ST6GAL2: variants seen among roughly 807,000 people sequenced by gnomAD.
ST6GAL2 encodes ST6 beta-galactoside alpha-2,6-sialyltransferase 2.
In ST6GAL2, 24 loss-of-function variants were observed where a neutral mutation model predicts 37.5. The ratio of observed to expected loss-of-function variants is 0.64; its 90% CI spans 0.46 to 0.90. The LOEUF is 0.90. Ranked by LOEUF, ST6GAL2 falls within the 40% of genes least tolerant of loss-of-function variation. The pLI is 0.00. For synonymous variants in ST6GAL2, 306 were observed against 295.1 expected (o/e 1.04, Z -0.38); for missense variants, 715 against 712.7 (o/e 1.00, Z -0.04).
chr2:106,830,040 A>G (rs1225103968), intron 5 of ST6GAL2, 26 bp downstream of exon 5: 1 of 1,608,300 alleles, frequency 6.2e-7, no homozygotes, highest in South Asian at 1.1e-5. Context: ...CCCCCCAATC[A>G]TTCCAATTTT....
At chr2:106,873,461 G>A (rs965832894) in intron 1 of ST6GAL2, among the ~76,000 whole-genome samples, 5 of 152,120 alleles carry the variant, frequency 3.3e-5, no homozygotes, top group African/African-American at 9.7e-5. Flanking sequence ...GTTCTGGAAC[G>A]GCCTTATTAT....
chr2:106,877,164 A>G (rs1678539399), intron 1 of ST6GAL2, among the ~76,000 whole-genome samples: 2 of 152,156 alleles, frequency 1.3e-5, no homozygotes, highest in South Asian at 2.1e-4. Flanking sequence ...CCACCTTCAG[A>G]AAGTTTAGGA....
At chr2:106,877,519 C>T (rs1346234933) in intron 1 of ST6GAL2, among the ~76,000 whole-genome samples, 1 of 152,214 alleles carries the variant, frequency 6.6e-6, no homozygotes, top group Non-Finnish European at 1.5e-5. Context: ...ATTCTACCAT[C>T]ATAAACAATG....
chr2:106,855,460 G>T (rs17033380), intron 1 of ST6GAL2, among the ~76,000 whole-genome samples: 8,059 of 152,204 alleles, frequency 0.053, 678 homozygotes, highest in African/African-American at 0.18. Context: ...CAAACATACA[G>T]AACTAGGCCA....
At chr2:106,880,704 T>G (rs1252609207) in intron 1 of ST6GAL2, among the ~76,000 whole-genome samples, 1 of 152,212 alleles carries the variant, frequency 6.6e-6, no homozygotes, top group Non-Finnish European at 1.5e-5. Flanking sequence ...AGATAAAATT[T>G]TCCCAGAGAT....
intron 5 of ST6GAL2, among the ~76,000 whole-genome samples, chr2:106,807,903 C>G (rs1402194098): frequency 6.6e-6 from 1 of 152,154 alleles, no homozygotes; most frequent in African/African-American, 2.4e-5. Flanking sequence ...GGATTACAGG[C>G]ATGAGCCACC....
chr2:106,839,705 CAG>C (rs975841362), intron 2 of ST6GAL2, among the ~76,000 whole-genome samples: 2 of 152,166 alleles, frequency 1.3e-5, no homozygotes, highest in African/African-American at 4.8e-5. Flanking sequence ...TTCAGGTACA[CAG>C]ATCTTGGTTT....
At chr2:106,870,117 G>T (rs1678203283) in intron 1 of ST6GAL2, among the ~76,000 whole-genome samples, 2 of 152,102 alleles carry the variant, frequency 1.3e-5, no homozygotes, top group African/African-American at 4.8e-5. Flanking sequence ...GGGCGCTACA[G>T]TCTGCTGCTT....
At chr2:106,868,355 C>G (rs902086515) in intron 1 of ST6GAL2, among the ~76,000 whole-genome samples, 12 of 152,182 alleles carry the variant, frequency 7.9e-5, no homozygotes, top group Admixed American at 3.3e-4. Flanking sequence ...AATCTGTGGA[C>G]TCCAAAGCCC....
intron 1 of ST6GAL2, among the ~76,000 whole-genome samples, chr2:106,877,114 G>A (rs529169785): frequency 1.1e-4 from 16 of 152,298 alleles, no homozygotes; most frequent in Admixed American, 4.6e-4. Flanking sequence ...AGACTATGAG[G>A]GGAATGCATC....
In ST6GAL2 at chr2:106,806,507, G is replaced by T; in HGVS notation, c.*171C>A. The T allele has an allele frequency of 1.4e-6, 1 of 733,744 alleles. No individual in the cohort carries two copies. 45.5% of individuals were successfully genotyped at this position (733,744 alleles called of 1,614,324 possible). A position where few individuals can be genotyped will look rare whatever the true frequency, so the allele number is the denominator to read the frequency against. On this transcript the variant is annotated 3_prime_UTR_variant, in exon 6 of 6. Transcript: ENST00000409382. The stretch of plus-strand genomic sequence containing the variant: ...TAAAAAAACCATTTCTATGTTCAAA[G>T]CAGTAATACATACTCAATGGCTTAG...
intron 1 of ST6GAL2, among the ~76,000 whole-genome samples, chr2:106,846,966 T>A (rs1375002): frequency 6.6e-6 from 1 of 151,920 alleles, no homozygotes; most frequent in Non-Finnish European, 1.5e-5. Context: ...ACCACAGAGC[T>A]AGCAAGCAGC....
intron 1 of ST6GAL2, among the ~76,000 whole-genome samples, chr2:106,857,139 A>T (rs1677605413): frequency 6.6e-6 from 1 of 152,140 alleles, no homozygotes; most frequent in Non-Finnish European, 1.5e-5. Context: ...ATTTTTGAGG[A>T]TGGAATTTTA....
intron 1 of ST6GAL2, among the ~76,000 whole-genome samples, chr2:106,861,808 T>C (rs1677810954): frequency 6.6e-6 from 1 of 152,034 alleles, no homozygotes; most frequent in African/African-American, 2.4e-5. Context: ...TTTTTGTATT[T>C]TTTGATGGAG....
At chr2:106,872,117 TG>T (rs1678293669) in intron 1 of ST6GAL2, among the ~76,000 whole-genome samples, 1 of 152,224 alleles carries the variant, frequency 6.6e-6, no homozygotes, top group African/African-American at 2.4e-5. Context: ...TCTAAGAGAT[TG>T]GAATTTTGCA....
intron 5 of ST6GAL2, among the ~76,000 whole-genome samples, chr2:106,820,974 C>A (rs1364896336): frequency 6.6e-6 from 1 of 151,690 alleles, no homozygotes; most frequent in Non-Finnish European, 1.5e-5. Context: ...CACAACATAC[C>A]AAAACCTATG....
intron 3 of ST6GAL2, 26 bp downstream of exon 3, chr2:106,834,019 ACATC>A (rs753452546): frequency 2.0e-6 from 3 of 1,516,456 alleles, no homozygotes; most frequent in Non-Finnish European, 2.7e-6. Flanking sequence ...TAAGAAACAT[ACATC>A]CATGAAAACA....
At position 106,841,733 on chromosome 2, in the gene ST6GAL2, G is replaced by C. The variant is rs116025213; in HGVS notation, c.943+1302C>G. 1.7e-3 allele frequency among the ~76,000 whole-genome samples: 262 copies of C among 152,274 alleles called. 2 individuals are homozygous for C. The highest frequency in any genetic ancestry group is 6.1e-3 in the African/African-American group (253 of 41,534). On this transcript the variant is annotated intron_variant, in intron 2 of 5. Transcript: ENST00000409382. ...AATGAATGTGATCCAGCGAGGAAGG[G>C]GAATTCTGAGGAGAGCCAATGCAGG...
intron 5 of ST6GAL2, among the ~76,000 whole-genome samples, 197 bp downstream of exon 5, chr2:106,829,869 T>C (rs1676346309): frequency 6.6e-6 from 1 of 152,090 alleles, no homozygotes; most frequent in African/African-American, 2.4e-5. Flanking sequence ...ATTTTTGGAT[T>C]AGAGATGCTC....
Sources: gnomAD v4.1 joint callset for allele counts (sites outside exome capture counted in the v4.1 genomes callset) on GRCh38, gnomAD v4.1.1 for gene constraint, MANE v1.5 for transcripts, NCBI Gene and HGNC (gene_info 2026-07-23, HGNC 2026-07-21) for gene names.